Variants in FAM83B observed in about 807,000 individuals in gnomAD.
FAM83B encodes the protein protein FAM83B.
In FAM83B, 26 loss-of-function variants were observed where a neutral mutation model predicts 38.8. The ratio of observed to expected loss-of-function variants is 0.67; its 90% CI spans 0.49 to 0.93. The LOEUF (loss-of-function observed/expected upper bound fraction) is 0.93, where lower values mean the gene tolerates loss of function less well. FAM83B is among the 40% of genes least tolerant of loss of function. The probability of loss-of-function intolerance (pLI) is 0.00; values close to 1 mark genes in which losing one functional copy is unlikely to be tolerated. For missense variants in FAM83B, 1,237 were observed against 1,197.3 expected (o/e 1.03, Z -0.49); for synonymous variants, 419 against 423.1 (o/e 0.99, Z 0.12).
intron 2 of FAM83B, among the ~76,000 whole-genome samples, chr6:54,878,532 A>G (rs1772051344): frequency 6.6e-6 from 1 of 152,194 alleles, no homozygotes; most frequent in Non-Finnish European, 1.5e-5. Flanking sequence ...GGAATAAGCC[A>G]TGCATGTATT....
chr6:54,908,243 C>G, intron 2 of FAM83B, among the ~76,000 whole-genome samples: 1 of 151,578 alleles, frequency 6.6e-6, no homozygotes, highest in East Asian at 1.9e-4. Context: ...TCTCAAACTC[C>G]TTATTCCCTT....
chr6:54,919,502 C>T (rs552381686), intron 2 of FAM83B, among the ~76,000 whole-genome samples: 2 of 151,880 alleles, frequency 1.3e-5, no homozygotes, highest in East Asian at 1.9e-4. Flanking sequence ...TAGATTTTTC[C>T]CCCCACTTTC....
intron 2 of FAM83B, among the ~76,000 whole-genome samples, chr6:54,904,080 C>T (rs137988734): frequency 4.6e-5 from 7 of 151,632 alleles, no homozygotes; most frequent in African/African-American, 1.5e-4. Context: ...TTTTAAGGCT[C>T]CTCAGACTAA....
At chr6:54,848,481 C>T (rs909845570) in intron 1 of FAM83B, among the ~76,000 whole-genome samples, 1 of 152,192 alleles carries the variant, frequency 6.6e-6, no homozygotes, top group Non-Finnish European at 1.5e-5. Flanking sequence ...ACAAACCACA[C>T]CTCTGGTGCT....
rs538962124 is a variant in FAM83B at position 54,939,699 on chromosome 6, T to C, written c.735-7T>C. 35 of 1,551,576 alleles carry C rather than the reference T, an allele frequency of 2.3e-5. No homozygotes were observed. The highest frequency in any genetic ancestry group is 1.8e-4 in the East Asian group (8 of 44,256). ...AATGATTAAAATTTTTCCATTTTTT[T>C]CCCCAGTTATATGTGGTCATTTGAG... is the stretch of plus-strand genomic sequence containing the variant. On this transcript the variant is annotated splice_region_variant and splice_polypyrimidine_tract_variant and intron_variant, in intron 4 of 4. Coordinates refer to ENST00000306858, the MANE Select transcript of FAM83B (RefSeq NM_001010872.3).
chr6:54,884,081 A>G (rs1247150666), intron 2 of FAM83B, among the ~76,000 whole-genome samples: 1 of 152,126 alleles, frequency 6.6e-6, no homozygotes, highest in South Asian at 2.1e-4. Context: ...AGGTGGGCGG[A>G]TCACGAGGTC....
chr6:54,930,631 A>T (rs1259453441), intron 4 of FAM83B, among the ~76,000 whole-genome samples: 2 of 152,080 alleles, frequency 1.3e-5, no homozygotes. Flanking sequence ...ATTACCCCAT[A>T]ATCAAAGTTG....
chr6:54,933,819 C>T (rs1297573585), intron 4 of FAM83B, among the ~76,000 whole-genome samples: 1 of 152,098 alleles, frequency 6.6e-6, no homozygotes, highest in Non-Finnish European at 1.5e-5. Flanking sequence ...AGATAGAAGC[C>T]AGTCTCTTGG....
rs1182905315 is a variant in FAM83B at position 54,943,608 on chromosome 6, T to A, written c.*1601T>A. ...ATATCATTAAAATAATTTTCCATAGTGTTTAGAAACCATGAAAAAGAAAAC... is the reference window on the plus strand; with the variant it reads ...ATATCATTAAAATAATTTTCCATAGAGTTTAGAAACCATGAAAAAGAAAAC... On this transcript the variant is annotated 3_prime_UTR_variant, in exon 5 of 5. Transcript: ENST00000306858. The A allele has an allele frequency of 6.6e-6, 1 of 152,156 alleles. No individual in the cohort carries two copies. The highest frequency in any genetic ancestry group is 1.5e-5 in the Non-Finnish European group (1 of 68,020). The allele number at this position is 152,156 out of a possible 1,614,324, so 9.4% of individuals were successfully genotyped here.
intron 2 of FAM83B, among the ~76,000 whole-genome samples, chr6:54,915,834 A>G (rs1173947150): frequency 1.1e-5 from 1 of 90,076 alleles, no homozygotes; most frequent in Non-Finnish European, 2.1e-5. Flanking sequence ...AAAAAAAAAA[A>G]AAAGAAACTC....
chr6:54,941,366 A>G lies in FAM83B; in HGVS notation c.2395A>G (p.Arg799Gly), dbSNP rs1581937245. The change falls in exon 5 of 5, where the codon AGA (arginine) becomes GGA (glycine). Residue 799 changes from arginine (R) to glycine (G), a missense_variant. Coordinates refer to ENST00000306858, the MANE Select transcript of FAM83B (RefSeq NM_001010872.3). ...CAAAAATAAAGCACCTGCCTTTTAT[A>G]GATTGTGTAGTAGCTCTGACACATT... Reference protein sequence around the residue: ...LSKNKAPAFYRLCSSSDTLVS... With the variant: ...LSKNKAPAFYGLCSSSDTLVS... 6 of 1,613,540 alleles carry G rather than the reference A, an allele frequency of 3.7e-6. No homozygotes were observed. The highest frequency in any genetic ancestry group is 5.1e-6 in the Non-Finnish European group (6 of 1,179,916).
In FAM83B at chr6:54,941,490, G is replaced by A. The variant is rs1425624039; in HGVS notation, c.2519G>A (p.Gly840Asp). Residue 840 changes from glycine (G) to aspartate (D), a missense_variant, in exon 5 of 5, where the codon GGC (glycine) becomes GAC (aspartate). Transcript: ENST00000306858. ...RKHSSSSNSQGSIHKSKEDVT... is the reference protein window; with the variant it reads ...RKHSSSSNSQDSIHKSKEDVT... ...CATTCTTCCTCATCGAATTCTCAAG[G>A]CAGCATCCACAAGAGTAAGGAAGAT... 6.2e-7 allele frequency: 1 copy of A among 1,613,930 alleles called. No individual in the cohort carries two copies. The highest frequency in any genetic ancestry group is 8.5e-7 in the Non-Finnish European group (1 of 1,179,994).
chr6:54,942,127 C>T lies in FAM83B; in HGVS notation c.*120C>T. ...GAATTATGGGTATGATGTATATGTT[C>T]ACCAGTGTCCTAGTATAAAGTTATT... On this transcript the variant is annotated 3_prime_UTR_variant, in exon 5 of 5. Transcript: ENST00000306858. 1.0e-6 allele frequency: 1 copy of T among 972,090 alleles called. No individual in the cohort carries two copies. The highest frequency in any genetic ancestry group is 1.5e-6 in the Non-Finnish European group (1 of 667,790). 60.2% of individuals were successfully genotyped at this position (972,090 alleles called of 1,614,324 possible). A position where few individuals can be genotyped will look rare whatever the true frequency, so the allele number is the denominator to read the frequency against.
At chr6:54,886,936 A>G (rs1772290223) in intron 2 of FAM83B, among the ~76,000 whole-genome samples, 1 of 152,044 alleles carries the variant, frequency 6.6e-6, no homozygotes, top group Admixed American at 6.6e-5. Flanking sequence ...TTTAGTTTCA[A>G]TTTTAATTGA....
At chr6:54,921,353 TAG>T (rs1403196544) in intron 2 of FAM83B, among the ~76,000 whole-genome samples, 1 of 151,422 alleles carries the variant, frequency 6.6e-6, no homozygotes, top group East Asian at 2.1e-4. Flanking sequence ...ATATATACTG[TAG>T]GTGTCCTCCG....
chr6:54,871,745 C>CA (rs34323872), intron 2 of FAM83B, among the ~76,000 whole-genome samples: 14,464 of 28,930 alleles, frequency 0.5, 5,326 homozygotes, highest in Non-Finnish European at 0.58. Flanking sequence ...CCTGTCTCAC[C>CA]AAAAAAAAAA....
At chr6:54,853,838 T>C (rs1771374109) in intron 1 of FAM83B, among the ~76,000 whole-genome samples, 1 of 152,180 alleles carries the variant, frequency 6.6e-6, no homozygotes, top group African/African-American at 2.4e-5. Context: ...CTGCCACAGG[T>C]AAGTGATTCC....
rs1252235596 is a variant in FAM83B, at chr6:54,943,103, A to T, written c.*1096A>T. The T allele has an allele frequency of 1.3e-5, 2 of 151,988 alleles. No homozygotes were observed. The highest frequency in any genetic ancestry group is 2.9e-5 in the Non-Finnish European group (2 of 68,054). The allele number at this position is 151,988 out of a possible 1,614,324, so 9.4% of individuals were successfully genotyped here. On this transcript the variant is annotated 3_prime_UTR_variant, in exon 5 of 5. Transcript: ENST00000306858. The stretch of plus-strand genomic sequence containing the variant: ...TTTTCAGAAGAGATGGGATTTCACC[A>T]TGTTGGCCAGTCTAGTCTCAAACTC...
intron 4 of FAM83B, among the ~76,000 whole-genome samples, chr6:54,934,313 T>G (rs1463742528): frequency 1.3e-5 from 2 of 152,204 alleles, no homozygotes; most frequent in East Asian, 3.8e-4. Flanking sequence ...ATCTTTGTTA[T>G]GTGTTTATAT....
Sources: allele counts gnomAD v4.1 joint callset (sites outside exome capture counted in the v4.1 genomes callset), GRCh38; gene constraint gnomAD v4.1.1; transcripts MANE v1.5; gene names NCBI Gene and HGNC (gene_info 2026-07-23, HGNC 2026-07-21).